The following SRD5A3 variants were observed in gnomAD, a reference collection of about 807,000 sequenced individuals.
SRD5A3 encodes steroid 5 alpha-reductase 3, also known as polyprenal reductase.
In SRD5A3, 24 loss-of-function variants were observed where a neutral mutation model predicts 34.3. The observed-to-expected ratio is 0.70, with a 90% CI of 0.51 to 0.99. The LOEUF is 0.99. SRD5A3 is among the 50% of genes least tolerant of loss of function. SRD5A3 has a pLI of 0.00. For missense variants in SRD5A3, 350 were observed against 388.2 expected (o/e 0.90, Z 0.83); for synonymous variants, 161 against 167.3 (o/e 0.96, Z 0.29).
chr4:55,350,802 A>T (rs1254952150), intron 1 of SRD5A3, among the ~76,000 whole-genome samples: 1 of 134,612 alleles, frequency 7.4e-6, no homozygotes, highest in African/African-American at 2.8e-5. Flanking sequence ...TTACTCTGTC[A>T]CCCAGGCTGG....
intron 1 of SRD5A3, among the ~76,000 whole-genome samples, chr4:55,350,106 A>G (rs1036174906): frequency 6.6e-6 from 1 of 152,188 alleles, no homozygotes; most frequent in Non-Finnish European, 1.5e-5. Flanking sequence ...GCAGTGGCTC[A>G]CACCTGTAAT....
chr4:55,352,626 A>G (rs180867678), intron 1 of SRD5A3, among the ~76,000 whole-genome samples: 7 of 152,294 alleles, frequency 4.6e-5, no homozygotes, highest in Admixed American at 4.6e-4. Flanking sequence ...TGAATGAGAA[A>G]AAGTGGTTTG....
At chr4:55,368,239 C>T (rs28726308) in intron 4 of SRD5A3, among the ~76,000 whole-genome samples, 108,297 of 150,850 alleles carry the variant, frequency 0.72, 39,430 homozygotes, top group African/African-American at 0.83. Context: ...TAGCTGGGTG[C>T]GGTGGTGCAG....
In SRD5A3 at chr4:55,364,226, G is replaced by A. The variant is rs758023141; in HGVS notation, c.517G>A (p.Val173Ile). Residue 173 changes from valine (V) to isoleucine (I), a missense_variant, in exon 3 of 5, where the codon GTT becomes ATT. Val to Ile is a conservative substitution (Grantham distance 29, BLOSUM62 3). This residue lies in a region of SRD5A3 where 186 missense variants were observed against 221.4 expected (regional missense o/e 0.84). Coordinates refer to ENST00000264228, the MANE Select transcript of SRD5A3 (RefSeq NM_024592.5). The stretch of plus-strand genomic sequence containing the variant: ...TTTTGGACTTGTCTATTATGTCCTT[G>A]TTGGCCTAACTGTGCTGAGCCAAGT... ...YCFGLVYYVL[V>I]GLTVLSQVPM... 17 of 1,614,012 alleles carry A rather than the reference G, an allele frequency of 1.1e-5. No individual in the cohort carries two copies. In the Admixed American group the frequency reaches 2.7e-4, roughly 25 times the overall value.
chr4:55,360,166 G>A (rs1719627069), intron 2 of SRD5A3, among the ~76,000 whole-genome samples: 1 of 149,720 alleles, frequency 6.7e-6, no homozygotes, highest in Non-Finnish European at 1.5e-5. Context: ...AGTGAGCTGA[G>A]ATCGGGCCAC....
chr4:55,357,999 C>A (rs576671924), intron 1 of SRD5A3, among the ~76,000 whole-genome samples: 4 of 152,290 alleles, frequency 2.6e-5, no homozygotes, highest in African/African-American at 9.6e-5. Flanking sequence ...CTCTTACAAG[C>A]ACATTCTGGA....
In SRD5A3 at chr4:55,370,373, C is replaced by A; in HGVS notation, c.*282C>A. The A allele has an allele frequency of 2.2e-6, 1 of 460,724 alleles. No individual in the cohort carries two copies. Among genetic ancestry groups the A allele is most frequent in the South Asian group, 2.2e-5 (1 of 44,688 alleles). The allele number at this position is 460,724 out of a possible 1,614,324, so 28.5% of individuals were successfully genotyped here. ...ACCAACTGATAAAAAGTAGATGAGA[C>A]TTCTCCAAGCTGCTTCACAAGCAAA... On this transcript the variant is annotated 3_prime_UTR_variant, in exon 5 of 5. Transcript: ENST00000264228.
At chr4:55,367,019 C>G (rs1366226940) in intron 3 of SRD5A3, 1 of 161,014 alleles carries the variant, frequency 6.2e-6, no homozygotes. Context: ...TACTGTCCCT[C>G]TCTTTTGAGA....
chr4:55,366,234 T>G (rs1198327238), intron 3 of SRD5A3, among the ~76,000 whole-genome samples: 1 of 152,244 alleles, frequency 6.6e-6, no homozygotes, highest in Non-Finnish European at 1.5e-5. Context: ...GTAAACTCTC[T>G]GCATTTAGCA....
intron 3 of SRD5A3, chr4:55,366,617 C>G (rs1241278832): frequency 6.6e-6 from 1 of 152,204 alleles, no homozygotes; most frequent in African/African-American, 2.4e-5. Context: ...TTCATCAGTC[C>G]TTTACTATCA....
At chr4:55,359,830 T>G (rs985552035) in intron 2 of SRD5A3, among the ~76,000 whole-genome samples, 3 of 152,368 alleles carry the variant, frequency 2.0e-5, no homozygotes, top group Admixed American at 2.0e-4. Context: ...GGAAAGCTTT[T>G]AGGATCTGTC....
chr4:55,360,071 T>C (rs1028996777), intron 2 of SRD5A3, among the ~76,000 whole-genome samples: 13 of 151,826 alleles, frequency 8.6e-5, no homozygotes, highest in African/African-American at 2.2e-4. Context: ...AAAAGTTAGC[T>C]GGGCATGGTG....
intron 1 of SRD5A3, among the ~76,000 whole-genome samples, chr4:55,357,443 G>A (rs1000257667): frequency 2.0e-5 from 3 of 152,194 alleles, no homozygotes; most frequent in Non-Finnish European, 4.4e-5. Flanking sequence ...TGTGCTCCAC[G>A]AGGCTCAGAC....
At position 55,346,647 on chromosome 4, in the gene SRD5A3, AGGCGGGACCCGGCCTGGGAGGCCCT is replaced by A. The variant is rs1719009650; in HGVS notation, c.221+97_221+121del. ...GCGGGCAGCCAGCAGGGGGCAGCAG[AGGCGGGACCCGGCCTGGGAGGCCCT>A]GGCGGGTTCCCGGGCGCAGCACGGC... On this transcript the variant is annotated intron_variant, in intron 1 of 4. Transcript: ENST00000264228. 11 of 1,262,260 alleles carry A rather than the reference AGGCGGGACCCGGCCTGGGAGGCCCT, an allele frequency of 8.7e-6. No individual in the cohort carries two copies. In the South Asian group the frequency reaches 1.4e-4, roughly 16 times the overall value. 78.2% of individuals were successfully genotyped at this position (1,262,260 alleles called of 1,614,324 possible). A position where few individuals can be genotyped will look rare whatever the true frequency, so the allele number is the denominator to read the frequency against.
chr4:55,359,519 G>A, intron 2 of SRD5A3, 31 bp downstream of exon 2: 3 of 1,613,314 alleles, frequency 1.9e-6, no homozygotes, highest in Non-Finnish European at 2.5e-6. Context: ...TGACAACGCT[G>A]CATCCCGTTT....
chr4:55,353,407 G>A (rs962687987), intron 1 of SRD5A3, among the ~76,000 whole-genome samples: 2 of 152,094 alleles, frequency 1.3e-5, no homozygotes, highest in African/African-American at 2.4e-5. Context: ...TGGTAAAAAC[G>A]GACCAATCAG....
Position 55,372,002 on chromosome 4 carries a change from T to C in SRD5A3, c.*1911T>C, listed in dbSNP as rs559716910. 1.2e-4 allele frequency: 19 copies of C among 152,268 alleles called. No homozygotes were observed. The highest frequency in any genetic ancestry group is 4.6e-4 in the African/African-American group (19 of 41,556). 9.4% of individuals were successfully genotyped at this position (152,268 alleles called of 1,614,324 possible). The stretch of plus-strand genomic sequence containing the variant: ...TTCTTACAACAATTCTGATGGAGGA[T>C]TTTCTCTCCCATCAACCAAACACCA... On this transcript the variant is annotated 3_prime_UTR_variant, in exon 5 of 5. Transcript: ENST00000264228.
chr4:55,370,157 G>T lies in SRD5A3; in HGVS notation c.*66G>T. 1.9e-6 allele frequency: 3 copies of T among 1,597,900 alleles called. No homozygotes were observed. The East Asian group carries it at 6.7e-5, about 36-fold the overall frequency. On this transcript the variant is annotated 3_prime_UTR_variant, in exon 5 of 5. Coordinates refer to ENST00000264228, the MANE Select transcript of SRD5A3 (RefSeq NM_024592.5). ...TCAATGCCTAAGGACAGTGAAGTCT[G>T]GAGCCCAAAGTACAGTTTCAGCAAA... is the stretch of plus-strand genomic sequence containing the variant.
At chr4:55,351,781 A>G (rs1382315815) in intron 1 of SRD5A3, 4 of 463,034 alleles carry the variant, frequency 8.6e-6, no homozygotes, top group Non-Finnish European at 1.7e-5. Flanking sequence ...AGCTGGTTGA[A>G]GAAAGGCAGA....
Sources: allele counts gnomAD v4.1 joint callset (sites outside exome capture counted in the v4.1 genomes callset), GRCh38; gene constraint gnomAD v4.1.1; regional missense constraint gnomAD v4.1.1; transcripts MANE v1.5; gene names NCBI Gene and HGNC (gene_info 2026-07-23, HGNC 2026-07-21).